The following SOX5 variants were observed in gnomAD, a reference collection of about 807,000 sequenced individuals.
SOX5 encodes SRY-box transcription factor 5, also known as transcription factor SOX-5.
Under a neutral mutation model 92.0 loss-of-function variants are expected in SOX5, and 9 were observed. The ratio of observed to expected loss-of-function variants is 0.10; its 90% CI spans 0.06 to 0.17. The LOEUF (loss-of-function observed/expected upper bound fraction) is 0.17, where lower values mean the gene tolerates loss of function less well. Among genes scored for constraint, SOX5 ranks in the 10% least tolerant of loss-of-function variants. The pLI is 1.00. For missense variants in SOX5, 642 were observed against 944.5 expected (o/e 0.68, Z 4.20); for synonymous variants, 344 against 336.3 (o/e 1.02, Z -0.25).
intron 3 of SOX5, among the ~76,000 whole-genome samples, chr12:23,836,300 C>G (rs1161840156): frequency 1.3e-5 from 2 of 151,726 alleles, no homozygotes; most frequent in African/African-American, 4.8e-5. Flanking sequence ...ATGAATAGAC[C>G]ATGCACTTTA....
At chr12:24,477,561 C>A (rs1265647870) in intron 1 of SOX5, among the ~76,000 whole-genome samples, 2 of 152,048 alleles carry the variant, frequency 1.3e-5, no homozygotes, top group East Asian at 1.9e-4. Flanking sequence ...ATTAAATGAC[C>A]TAGGTATGAG....
chr12:23,722,679 A>G (rs2092885771), intron 6 of SOX5, among the ~76,000 whole-genome samples: 2 of 152,198 alleles, frequency 1.3e-5, no homozygotes, highest in African/African-American at 2.4e-5. Context: ...AATTCTATAT[A>G]CATCACTTCA....
chr12:23,776,947 C>A (rs1276445603), intron 3 of SOX5, among the ~76,000 whole-genome samples: 1 of 152,168 alleles, frequency 6.6e-6, no homozygotes, highest in Non-Finnish European at 1.5e-5. Flanking sequence ...TTCCTATTTT[C>A]AATTTCTATC....
chr12:24,001,264 G>T (rs1951584576), intron 4 of SOX5, among the ~76,000 whole-genome samples: 1 of 151,868 alleles, frequency 6.6e-6, no homozygotes, highest in Admixed American at 6.6e-5. Context: ...TAATTTTTTG[G>T]TTTTTTAAAC....
intron 4 of SOX5, among the ~76,000 whole-genome samples, chr12:24,140,353 G>C (rs1441247004): frequency 6.6e-6 from 1 of 152,162 alleles, no homozygotes; most frequent in Non-Finnish European, 1.5e-5. Flanking sequence ...CTAAAGGCAT[G>C]ATGAGTGATG....
intron 3 of SOX5, among the ~76,000 whole-genome samples, chr12:23,784,129 G>T (rs946353986): frequency 3.3e-5 from 5 of 151,886 alleles, no homozygotes; most frequent in African/African-American, 1.2e-4. Flanking sequence ...GAAAAAAAAA[G>T]TAACCATGCA....
chr12:24,450,829 T>C (rs1942187638), intron 1 of SOX5, among the ~76,000 whole-genome samples: 1 of 151,614 alleles, frequency 6.6e-6, no homozygotes, highest in Non-Finnish European at 1.5e-5. Flanking sequence ...AATTATACTC[T>C]TTTAGTTGTC....
chr12:24,423,222 G>A (rs1429320349), intron 1 of SOX5, among the ~76,000 whole-genome samples: 5 of 152,160 alleles, frequency 3.3e-5, no homozygotes, highest in African/African-American at 1.2e-4. Context: ...CTTAAGAACT[G>A]TGGAAGGACA....
intron 4 of SOX5, among the ~76,000 whole-genome samples, chr12:24,109,664 T>A (rs1463582038): frequency 6.6e-6 from 1 of 152,188 alleles, no homozygotes; most frequent in African/African-American, 2.4e-5. Flanking sequence ...TTGATCTCTT[T>A]ATAGGTGTTT....
At chr12:23,849,448 A>T (rs2096607665) in intron 2 of SOX5, among the ~76,000 whole-genome samples, 1 of 152,166 alleles carries the variant, frequency 6.6e-6, no homozygotes, top group South Asian at 2.1e-4. Flanking sequence ...AAACTGAGGC[A>T]GAGAGACTGA....
intron 4 of SOX5, among the ~76,000 whole-genome samples, chr12:24,163,013 C>T (rs1336146300): frequency 6.6e-6 from 1 of 152,088 alleles, no homozygotes; most frequent in African/African-American, 2.4e-5. Flanking sequence ...GTCAGGCATG[C>T]TGTGAGCCTC....
At chr12:23,795,092 T>C (rs916434553) in intron 3 of SOX5, among the ~76,000 whole-genome samples, 4 of 152,136 alleles carry the variant, frequency 2.6e-5, no homozygotes, top group Non-Finnish European at 5.9e-5. Context: ...CATGTTGCAG[T>C]ATCTTAAAAG....
chr12:24,126,827 C>T (rs969918790), intron 4 of SOX5, among the ~76,000 whole-genome samples: 1 of 152,016 alleles, frequency 6.6e-6, no homozygotes, highest in East Asian at 1.9e-4. Flanking sequence ...GGTCACTGAA[C>T]ATGATGGGGG....
At chr12:24,043,932 A>G (rs1410010081) in intron 4 of SOX5, among the ~76,000 whole-genome samples, 1 of 152,216 alleles carries the variant, frequency 6.6e-6, no homozygotes, top group Non-Finnish European at 1.5e-5. Flanking sequence ...TAACCTTACA[A>G]CAAAGCATGT....
At chr12:23,703,840 C>G (rs893839702) in intron 6 of SOX5, among the ~76,000 whole-genome samples, 2 of 151,858 alleles carry the variant, frequency 1.3e-5, no homozygotes. Context: ...CTAAGCTTCT[C>G]AGGAACGATG....
chr12:24,111,221 C>T (rs1478527389), intron 4 of SOX5, among the ~76,000 whole-genome samples: 1 of 152,122 alleles, frequency 6.6e-6, no homozygotes, highest in African/African-American at 2.4e-5. Context: ...CATTTCTAAA[C>T]TTGAATCACC....
intron 6 of SOX5, among the ~76,000 whole-genome samples, chr12:23,685,467 G>T (rs2087369325): frequency 1.3e-5 from 2 of 152,044 alleles, no homozygotes. Context: ...AATTTTAATT[G>T]TGTGTCTCTA....
At chr12:24,061,537 C>A (rs1049134684) in intron 4 of SOX5, among the ~76,000 whole-genome samples, 1 of 151,934 alleles carries the variant, frequency 6.6e-6, no homozygotes, top group Non-Finnish European at 1.5e-5. Flanking sequence ...TTACCTACTG[C>A]TAAAATACCA....
At chr12:24,553,787 G>C (rs893689336) in intron 1 of SOX5, among the ~76,000 whole-genome samples, 3 of 152,248 alleles carry the variant, frequency 2.0e-5, no homozygotes, top group Non-Finnish European at 4.4e-5. Context: ...AGGAAGAGAA[G>C]AGCTTCTGGG....
Sources: gnomAD v4.1 joint callset for allele counts (sites outside exome capture counted in the v4.1 genomes callset) on GRCh38, gnomAD v4.1.1 for gene constraint, MANE v1.5 for transcripts, NCBI Gene and HGNC (gene_info 2026-07-23, HGNC 2026-07-21) for gene names.